Variants in ZNF782 observed in about 807,000 individuals in gnomAD.
ZNF782 encodes zinc finger protein 782.
ZNF782 carries 12 observed loss-of-function variants against 13.0 expected under a neutral mutation model. The ratio of observed to expected loss-of-function variants is 0.92; its 90% CI spans 0.59 to 1.50. The LOEUF (loss-of-function observed/expected upper bound fraction) is 1.50. ZNF782 is among the 40% of genes most tolerant of loss of function. The pLI is 0.00. For synonymous variants in ZNF782, 284 were observed against 283.0 expected, an observed-to-expected ratio of 1.00 and a Z score of -0.04; for missense variants, 770 against 822.9, an observed-to-expected ratio of 0.94 and a Z score of 0.79.
chr9:96,918,769 A>T, the ZNF782 span: 1 of 164,242 alleles, frequency 6.1e-6, no homozygotes, highest in Non-Finnish European at 1.3e-5. Flanking sequence ...TGCCGAGGAG[A>T]CTCCCTTGTT....
chr9:96,882,691 T>C, the ZNF782 span, among the ~76,000 whole-genome samples: 9 of 152,356 alleles, frequency 5.9e-5, no homozygotes, highest in Non-Finnish European at 1.3e-4. Context: ...CTCAGTCATG[T>C]AGCAAGAGCA....
At chr9:96,886,525 T>G in the ZNF782 span, among the ~76,000 whole-genome samples, 1 of 152,158 alleles carries the variant, frequency 6.6e-6, no homozygotes, top group African/African-American at 2.4e-5. Context: ...TAAACCACAC[T>G]AGAATTGGTT....
At chr9:96,914,405 C>G in the ZNF782 span, among the ~76,000 whole-genome samples, 2 of 151,742 alleles carry the variant, frequency 1.3e-5, no homozygotes, top group African/African-American at 4.8e-5. Context: ...CAGGCGTGAG[C>G]CACCGCGCCC....
intron 1 of ZNF782, among the ~76,000 whole-genome samples, chr9:96,872,668 A>G (rs1272420222): frequency 6.6e-6 from 1 of 152,218 alleles, no homozygotes; most frequent in Non-Finnish European, 1.5e-5. Flanking sequence ...ACTATTCACA[A>G]ATTGGTTTAA....
chr9:96,887,186 C>T, the ZNF782 span, among the ~76,000 whole-genome samples: 8 of 148,000 alleles, frequency 5.4e-5, no homozygotes, highest in African/African-American at 2.0e-4. Context: ...TGGTGGCACA[C>T]GCCTGTAATC....
At position 96,817,576 on chromosome 9, in the gene ZNF782, G is replaced by A. The variant is rs1850211559; in HGVS notation, c.*347C>T. ...TGATGGTGAATGAGTTTTGATTGTT[G>A]GCACAAAGTTTTCACATTTTTATTA... On this transcript the variant is annotated 3_prime_UTR_variant, in exon 6 of 6. Coordinates refer to ENST00000481138, the MANE Select transcript of ZNF782 (RefSeq NM_001001662.3). 1 of 191,452 alleles carries A rather than the reference G, an allele frequency of 5.2e-6. No individual in the cohort carries two copies. The highest frequency in any genetic ancestry group is 5.8e-5 in the Admixed American group (1 of 17,210). The allele number at this position is 191,452 out of a possible 1,614,324, so 11.9% of individuals were successfully genotyped here. A position where few individuals can be genotyped will look rare whatever the true frequency, so the allele number is the denominator to read the frequency against.
the ZNF782 span, among the ~76,000 whole-genome samples, chr9:96,899,609 G>C: frequency 6.6e-6 from 1 of 152,316 alleles, no homozygotes; most frequent in Middle Eastern, 3.4e-3. Context: ...TTAAGGGACT[G>C]CCTCTGGTAT....
the ZNF782 span, among the ~76,000 whole-genome samples, chr9:96,930,717 C>T: frequency 5.4e-5 from 8 of 147,876 alleles, no homozygotes; most frequent in South Asian, 4.3e-4. Context: ...GCAGCTGGGA[C>T]CACTGAGCAC....
chr9:96,929,767 C>T, the ZNF782 span, among the ~76,000 whole-genome samples: 7 of 152,106 alleles, frequency 4.6e-5, no homozygotes, highest in Non-Finnish European at 1.0e-4. Context: ...TTCAGACCCA[C>T]TTCCTCTCGT....
intron 3 of ZNF782, among the ~76,000 whole-genome samples, chr9:96,848,376 T>A (rs1372303406): frequency 1.3e-5 from 2 of 152,174 alleles, no homozygotes; most frequent in Non-Finnish European, 2.9e-5. Flanking sequence ...GTCAAACTAC[T>A]GCTGTTTGTA....
At chr9:96,848,946 A>G (rs1050225416) in intron 3 of ZNF782, among the ~76,000 whole-genome samples, 1 of 152,230 alleles carries the variant, frequency 6.6e-6, no homozygotes, top group Non-Finnish European at 1.5e-5. Context: ...ATAATTCCCA[A>G]AACAGTATGG....
At chr9:96,887,356 A>G in the ZNF782 span, 1 of 152,362 alleles carries the variant, frequency 6.6e-6, no homozygotes, top group African/African-American at 2.4e-5. Flanking sequence ...AAAGAAAGAT[A>G]CGAAACCAAC....
chr9:96,918,879 A>C, the ZNF782 span: 1 of 179,790 alleles, frequency 5.6e-6, no homozygotes. Flanking sequence ...TATTGTCCTG[A>C]ACTTGACACT....
At chr9:96,886,340 A>G in the ZNF782 span, among the ~76,000 whole-genome samples, 6 of 152,220 alleles carry the variant, frequency 3.9e-5, no homozygotes, top group African/African-American at 1.4e-4. Flanking sequence ...ATGAGTAAAA[A>G]TAAGGGCAAA....
At chr9:96,908,429 T>C in the ZNF782 span, among the ~76,000 whole-genome samples, 1 of 152,288 alleles carries the variant, frequency 6.6e-6, no homozygotes, top group African/African-American at 2.4e-5. Flanking sequence ...CATTGCAGCC[T>C]AAAATGCAAG....
At chr9:96,868,933 T>A (rs1289086535) in intron 1 of ZNF782, among the ~76,000 whole-genome samples, 1 of 152,210 alleles carries the variant, frequency 6.6e-6, no homozygotes, top group Non-Finnish European at 1.5e-5. Context: ...CCCACTTCAT[T>A]AATAATGATG....
intron 4 of ZNF782, among the ~76,000 whole-genome samples, chr9:96,833,274 A>G (rs1008627700): frequency 6.6e-6 from 1 of 152,204 alleles, no homozygotes; most frequent in Non-Finnish European, 1.5e-5. Flanking sequence ...ATACTGATAC[A>G]TTATGAAATA....
the ZNF782 span, among the ~76,000 whole-genome samples, chr9:96,898,941 G>A: frequency 6.8e-6 from 1 of 147,866 alleles, no homozygotes; most frequent in Non-Finnish European, 1.5e-5. Flanking sequence ...TGGGACAACC[G>A]TCACCACTGT....
chr9:96,917,834 C>T, the ZNF782 span, among the ~76,000 whole-genome samples: 1 of 151,138 alleles, frequency 6.6e-6, no homozygotes, highest in Non-Finnish European at 1.5e-5. Context: ...ACCAATCCTC[C>T]TGCCTCAGCT....
Sources: gnomAD v4.1 joint callset for allele counts (sites outside exome capture counted in the v4.1 genomes callset) on GRCh38, gnomAD v4.1.1 for gene constraint, MANE v1.5 for transcripts, NCBI Gene and HGNC (gene_info 2026-07-23, HGNC 2026-07-21) for gene names.